PLXNA4: variants seen among roughly 807,000 people sequenced by gnomAD.
PLXNA4 encodes the protein plexin A4.
PLXNA4 carries 44 observed loss-of-function variants against 191.8 expected under a neutral mutation model. The ratio of observed to expected loss-of-function variants is 0.23; its 90% CI spans 0.18 to 0.29. The LOEUF is 0.29. Ranked by LOEUF, PLXNA4 falls within the 10% of genes least tolerant of loss-of-function variation. The pLI, the probability that PLXNA4 is intolerant of heterozygous loss-of-function variation, is 1.00. For synonymous variants in PLXNA4, 1,082 were observed against 1,009.5 expected (o/e 1.07, Z -1.36); for missense variants, 1,800 against 2,488.8 (o/e 0.72, Z 5.89).
Position 132,337,086 on chromosome 7 carries a change from T to C in PLXNA4, c.1372-38864A>G, listed in dbSNP as rs75563997. Among the ~76,000 whole-genome samples the C allele has an allele frequency of 4.8e-4, 73 of 152,384 alleles. No homozygotes were observed. The East Asian group carries it at 0.011, about 24-fold the overall frequency. On this transcript the variant is annotated intron_variant, in intron 3 of 31. Coordinates refer to ENST00000321063, the MANE Select transcript of PLXNA4 (RefSeq NM_020911.2). ...AACTAAATTTCACCGCGGTGTAATG[T>C]GCTGCATAAAAGCGGTGGCAATGTG... is the stretch of plus-strand genomic sequence containing the variant.
chr7:132,617,575 G>C (rs1331539023), intron 2 of PLXNA4, among the ~76,000 whole-genome samples: 1 of 152,110 alleles, frequency 6.6e-6, no homozygotes, highest in Non-Finnish European at 1.5e-5. Context: ...AGTAATTACT[G>C]TCTCTTAGAA....
intron 3 of PLXNA4, among the ~76,000 whole-genome samples, chr7:132,356,558 C>T (rs780865562): frequency 2.0e-5 from 3 of 152,204 alleles, no homozygotes; most frequent in African/African-American, 7.2e-5. Context: ...CTCTTCACTA[C>T]CTGCTTTGGT....
chr7:132,217,283 GCTT>G (rs146288070), intron 9 of PLXNA4, among the ~76,000 whole-genome samples: 29 of 152,322 alleles, frequency 1.9e-4, no homozygotes, highest in Admixed American at 5.9e-4. Flanking sequence ...TTATACAGAG[GCTT>G]CATTGCATAT....
At chr7:132,505,572 G>T (rs1227368193) in intron 2 of PLXNA4, among the ~76,000 whole-genome samples, 2 of 152,164 alleles carry the variant, frequency 1.3e-5, no homozygotes, top group Non-Finnish European at 2.9e-5. Context: ...TTACATGTAT[G>T]CATGTATGGG....
At chr7:132,489,790 C>G (rs1445477995) in intron 2 of PLXNA4, among the ~76,000 whole-genome samples, 1 of 152,164 alleles carries the variant, frequency 6.6e-6, no homozygotes, top group Non-Finnish European at 1.5e-5. Flanking sequence ...TTATCATCAT[C>G]ATCCTCACGT....
intron 1 of PLXNA4, among the ~76,000 whole-genome samples, chr7:132,528,768 C>T (rs967271224): frequency 3.3e-5 from 5 of 152,200 alleles, no homozygotes; most frequent in African/African-American, 1.2e-4. Flanking sequence ...AAGGGAAGTG[C>T]CAGGAGTAGG....
chr7:132,437,778 A>C (rs954488223), intron 3 of PLXNA4, among the ~76,000 whole-genome samples: 5 of 152,164 alleles, frequency 3.3e-5, no homozygotes, highest in Non-Finnish European at 4.4e-5. Flanking sequence ...CCACAGCAAC[A>C]TGAGTACACA....
chr7:132,350,715 G>A (rs1803449306), intron 3 of PLXNA4, among the ~76,000 whole-genome samples: 2 of 152,066 alleles, frequency 1.3e-5, no homozygotes, highest in South Asian at 4.2e-4. Flanking sequence ...TGGCTGCTTT[G>A]GAAAACAGCC....
chr7:132,632,375 C>T (rs993829758), intron 2 of PLXNA4, among the ~76,000 whole-genome samples: 21 of 151,904 alleles, frequency 1.4e-4, no homozygotes, highest in African/African-American at 4.6e-4. Context: ...AGAGGATACA[C>T]ATTAACTCAT....
At chr7:132,358,841 G>T (rs534487224) in intron 3 of PLXNA4, among the ~76,000 whole-genome samples, 1 of 152,302 alleles carries the variant, frequency 6.6e-6, no homozygotes, top group African/African-American at 2.4e-5. Flanking sequence ...ACAGAGCAGG[G>T]TGATTGAGAC....
chr7:132,134,643 T>G (rs2116512814), intron 30 of PLXNA4, among the ~76,000 whole-genome samples: 1 of 152,260 alleles, frequency 6.6e-6, no homozygotes, highest in Admixed American at 6.5e-5. Flanking sequence ...TTCTCAACTG[T>G]TTTGCTGAAC....
At chr7:132,380,694 C>T (rs909226653) in intron 3 of PLXNA4, among the ~76,000 whole-genome samples, 1 of 152,146 alleles carries the variant, frequency 6.6e-6, no homozygotes, top group African/African-American at 2.4e-5. Context: ...TCAGATTGTG[C>T]ATGGCAAAGT....
chr7:132,179,429 C>A (rs1796626416), intron 20 of PLXNA4, among the ~76,000 whole-genome samples: 1 of 150,816 alleles, frequency 6.6e-6, no homozygotes, highest in African/African-American at 2.4e-5. Flanking sequence ...GACACATATA[C>A]AGCCTCCAGC....
intron 2 of PLXNA4, among the ~76,000 whole-genome samples, chr7:132,617,717 C>G (rs568844260): frequency 6.6e-6 from 1 of 152,314 alleles, no homozygotes; most frequent in African/African-American, 2.4e-5. Flanking sequence ...CTGAATTACA[C>G]TGTGGGATCC....
At chr7:132,386,923 C>G (rs764007425) in intron 3 of PLXNA4, among the ~76,000 whole-genome samples, 2 of 152,186 alleles carry the variant, frequency 1.3e-5, no homozygotes. Context: ...GTAAAATTTC[C>G]CATCTACTGT....
chr7:132,413,367 C>A (rs1023949720), intron 3 of PLXNA4, among the ~76,000 whole-genome samples: 1 of 152,168 alleles, frequency 6.6e-6, no homozygotes, highest in African/African-American at 2.4e-5. Context: ...ACACCAAAGT[C>A]CCCCAGCATC....
chr7:132,495,630 A>ATCTGGGAGAAAACCAGCTC (rs1797981234), intron 2 of PLXNA4, among the ~76,000 whole-genome samples: 1 of 152,128 alleles, frequency 6.6e-6, no homozygotes, highest in Non-Finnish European at 1.5e-5. Context: ...GATTTCTCCC[A>ATCTGGGAGAAAACCAGCTC]TCTGGGAGAA....
chr7:132,354,397 C>T (rs1803616842), intron 3 of PLXNA4, among the ~76,000 whole-genome samples: 1 of 152,256 alleles, frequency 6.6e-6, no homozygotes, highest in South Asian at 2.1e-4. Context: ...TACATTCCCA[C>T]TTCTGCTCCT....
chr7:132,202,296 G>C (rs1235661759), intron 12 of PLXNA4, among the ~76,000 whole-genome samples: 2 of 152,200 alleles, frequency 1.3e-5, no homozygotes, highest in Non-Finnish European at 2.9e-5. Context: ...TTGACACTTG[G>C]TGAGGATGCC....
Sources: allele counts gnomAD v4.1 joint callset (sites outside exome capture counted in the v4.1 genomes callset), GRCh38; gene constraint gnomAD v4.1.1; transcripts MANE v1.5; gene names NCBI Gene and HGNC (gene_info 2026-07-23, HGNC 2026-07-21).